Variants in HNF1B observed in about 807,000 individuals in gnomAD.
The protein encoded by HNF1B is hepatocyte nuclear factor 1-beta.
In HNF1B, 8 loss-of-function variants were observed where a neutral mutation model predicts 61.7. The observed-to-expected ratio is 0.13, with a 90% CI of 0.08 to 0.23. HNF1B has a LOEUF of 0.23. Among genes scored for constraint, HNF1B ranks in the 10% least tolerant of loss-of-function variants. The pLI is 1.00. For synonymous variants in HNF1B, 314 were observed against 287.7 expected (o/e 1.09, Z -0.93); for missense variants, 562 against 714.5 (o/e 0.79, Z 2.43).
Position 37,687,198 on chromosome 17 carries a change from G to A in HNF1B, c.*174C>T. 1 of 998,308 alleles carries A rather than the reference G, an allele frequency of 1.0e-6. No individual in the cohort carries two copies. Among genetic ancestry groups the A allele is most frequent in the South Asian group, 1.4e-5 (1 of 73,634 alleles). The allele number at this position is 998,308 out of a possible 1,614,324, so 61.8% of individuals were successfully genotyped here. ...TAGAAGGGAAACTGGGCTTCGGGCTGCGCCTCCTGAGAGTGGATTGTCTGA... is the reference window on the plus strand; with the variant it reads ...TAGAAGGGAAACTGGGCTTCGGGCTACGCCTCCTGAGAGTGGATTGTCTGA... On this transcript the variant is annotated 3_prime_UTR_variant, in exon 9 of 9. Coordinates refer to ENST00000617811, the MANE Select transcript of HNF1B (RefSeq NM_000458.4).
At chr17:37,708,430 A>C (rs1037471640) in intron 5 of HNF1B, among the ~76,000 whole-genome samples, 2 of 152,222 alleles carry the variant, frequency 1.3e-5, no homozygotes, top group Non-Finnish European at 2.9e-5. Flanking sequence ...AACAGGAAGC[A>C]AAAAGCGTGT....
chr17:37,699,467 G>A (rs984217302), intron 7 of HNF1B, among the ~76,000 whole-genome samples: 4 of 152,228 alleles, frequency 2.6e-5, no homozygotes, highest in Non-Finnish European at 4.4e-5. Context: ...GGTACGGAAC[G>A]GGAGCAAAGG....
intron 1 of HNF1B, among the ~76,000 whole-genome samples, chr17:37,742,319 G>T (rs1052246696): frequency 6.6e-6 from 1 of 152,172 alleles, no homozygotes; most frequent in Non-Finnish European, 1.5e-5. Context: ...GCCGGGAGCC[G>T]GGGACCGGGA....
At chr17:37,704,629 T>C (rs1202431295) in intron 6 of HNF1B, among the ~76,000 whole-genome samples, 1 of 152,182 alleles carries the variant, frequency 6.6e-6, no homozygotes, top group African/African-American at 2.4e-5. Context: ...CAACCTATTT[T>C]ATAGATGAGG....
At chr17:37,738,301 A>G (rs1484319498) in intron 2 of HNF1B, among the ~76,000 whole-genome samples, 1 of 152,252 alleles carries the variant, frequency 6.6e-6, no homozygotes, top group Non-Finnish European at 1.5e-5. Context: ...CAACAAAAGC[A>G]CAAACACCAC....
At chr17:37,703,243 T>C (rs2032629452) in intron 6 of HNF1B, among the ~76,000 whole-genome samples, 2 of 152,198 alleles carry the variant, frequency 1.3e-5, no homozygotes, top group South Asian at 4.1e-4. Flanking sequence ...TGTACACAGA[T>C]ATGTACACAC....
At chr17:37,731,285 C>A in intron 4 of HNF1B, 1 of 523,932 alleles carries the variant, frequency 1.9e-6, no homozygotes, top group Non-Finnish European at 3.5e-6. Context: ...CATAAGGCAG[C>A]CTCCTCAGTG....
At position 37,731,615 on chromosome 17, in the gene HNF1B, G is replaced by C; in HGVS notation, c.1025C>G (p.Ser342Cys). ...CTTACCTGACAGCTTGTTTGGAGGA[G>C]AGGAGCTGGGCTGGTGGTGGGGGGA... ...HGSPHHQPSS[S>C]PPNKLSGVRY... Residue 342 changes from serine (S) to cysteine (C), a missense_variant, in exon 4 of 9, where the codon TCT (serine) becomes TGT (cysteine). Ser to Cys is a moderately radical substitution (Grantham distance 112). Transcript: ENST00000617811. The C allele has an allele frequency of 6.2e-7, 1 of 1,613,262 alleles. No homozygotes were observed. The highest frequency in any genetic ancestry group is 8.5e-7 in the Non-Finnish European group (1 of 1,179,556).
intron 6 of HNF1B, among the ~76,000 whole-genome samples, chr17:37,702,497 C>T (rs1182095335): frequency 1.3e-5 from 2 of 152,178 alleles, no homozygotes; most frequent in African/African-American, 4.8e-5. Context: ...CTCAAGCCAG[C>T]ATCTCACCAG....
intron 5 of HNF1B, among the ~76,000 whole-genome samples, chr17:37,706,676 TAAAAAA>T (rs35797632): frequency 7.6e-6 from 1 of 131,164 alleles, no homozygotes; most frequent in Non-Finnish European, 1.6e-5. Context: ...TACCAGTCAT[TAAAAAA>T]AAAAAAAAAA....
intron 4 of HNF1B, among the ~76,000 whole-genome samples, chr17:37,721,257 A>T (rs2147507333): frequency 6.6e-6 from 1 of 152,302 alleles, no homozygotes; most frequent in South Asian, 2.1e-4. Flanking sequence ...GTAAAGCTCT[A>T]ATGATCCCTA....
intron 7 of HNF1B, among the ~76,000 whole-genome samples, chr17:37,700,020 CATA>C (rs1165596978): frequency 6.6e-6 from 1 of 152,172 alleles, no homozygotes; most frequent in African/African-American, 2.4e-5. Flanking sequence ...ATTTCATATT[CATA>C]ATGACTCTAA....
chr17:37,719,849 G>T (rs2033249530), intron 4 of HNF1B, among the ~76,000 whole-genome samples: 1 of 152,250 alleles, frequency 6.6e-6, no homozygotes, highest in African/African-American at 2.4e-5. Flanking sequence ...GACCGTACTG[G>T]GAGATGATAC....
At chr17:37,716,741 A>G (rs2033127564) in intron 4 of HNF1B, among the ~76,000 whole-genome samples, 1 of 152,208 alleles carries the variant, frequency 6.6e-6, no homozygotes, top group African/African-American at 2.4e-5. Flanking sequence ...TACAGCTCAT[A>G]GAGCCCCTGG....
At chr17:37,687,957 A>AG (rs1354575268) in intron 8 of HNF1B, among the ~76,000 whole-genome samples, 1 of 152,226 alleles carries the variant, frequency 6.6e-6, no homozygotes, top group Non-Finnish European at 1.5e-5. Context: ...CTGCTCACCT[A>AG]GGGCAGCAAG....
chr17:37,702,162 G>A (rs370113440), intron 6 of HNF1B, among the ~76,000 whole-genome samples: 6 of 152,192 alleles, frequency 3.9e-5, no homozygotes, highest in African/African-American at 1.4e-4. Flanking sequence ...GTTGGGGGAA[G>A]AATGGGATGA....
chr17:37,742,565 G>A (rs2034025921), intron 1 of HNF1B, among the ~76,000 whole-genome samples: 1 of 152,094 alleles, frequency 6.6e-6, no homozygotes, highest in African/African-American at 2.4e-5. Context: ...CCCGGGAGCG[G>A]GGGAGGAAAG....
intron 8 of HNF1B, among the ~76,000 whole-genome samples, chr17:37,691,723 G>A (rs1176442105): frequency 1.3e-5 from 2 of 152,174 alleles, no homozygotes; most frequent in African/African-American, 4.8e-5. Context: ...TTTCTCTGAG[G>A]TCACACAGGT....
At position 37,725,473 on chromosome 17, in the gene HNF1B, G is replaced by C. The variant is rs578158892; in HGVS notation, c.1045+6122C>G. Among the ~76,000 whole-genome samples, 10 of 152,292 alleles carry C rather than the reference G, an allele frequency of 6.6e-5. No individual in the cohort carries two copies. In the South Asian group the frequency reaches 1.9e-3, roughly 28 times the overall value. ...TCTTAATCTCATTAATATCCTGATT[G>C]TCTTCCCCAACCCAGTGGCAGCTGA... is the stretch of plus-strand genomic sequence containing the variant. On this transcript the variant is annotated intron_variant, in intron 4 of 8. Transcript: ENST00000617811.
Sources: allele counts gnomAD v4.1 joint callset (sites outside exome capture counted in the v4.1 genomes callset), GRCh38; gene constraint gnomAD v4.1.1; transcripts MANE v1.5; gene names NCBI Gene and HGNC (gene_info 2026-07-23, HGNC 2026-07-21).